Variants in POU2F2 observed in about 807,000 individuals in gnomAD.
POU2F2 encodes POU class 2 homeobox 2.
Under a neutral mutation model 63.5 loss-of-function variants are expected in POU2F2, and 14 were observed. The ratio of observed to expected loss-of-function variants is 0.22; its 90% confidence interval spans 0.15 to 0.34. The LOEUF (loss-of-function observed/expected upper bound fraction) is 0.34, where lower values mean the gene tolerates loss of function less well. Ranked by LOEUF, POU2F2 falls within the 10% of genes least tolerant of loss-of-function variation. The pLI is 1.00. For synonymous variants in POU2F2, 306 were observed against 348.6 expected (o/e 0.88, Z 1.36); for missense variants, 607 against 815.2 (o/e 0.74, Z 3.11).
At chr19:42,102,915 A>T (rs2077198155) in intron 5 of POU2F2, among the ~76,000 whole-genome samples, 1 of 152,056 alleles carries the variant, frequency 6.6e-6, no homozygotes, top group Non-Finnish European at 1.5e-5. Context: ...ATGCAAACAA[A>T]ACCCCTCACC....
intron 1 of POU2F2, among the ~76,000 whole-genome samples, chr19:42,182,539 AACAG>A (rs2034973912): frequency 1.3e-5 from 2 of 152,228 alleles, no homozygotes; most frequent in South Asian, 2.1e-4. Context: ...AGAAATAAGA[AACAG>A]ACAGAGGCTT....
intron 1 of POU2F2, among the ~76,000 whole-genome samples, chr19:42,195,514 A>G (rs2035133405): frequency 6.6e-6 from 1 of 151,322 alleles, no homozygotes; most frequent in Non-Finnish European, 1.5e-5. Context: ...TTGTATTTTT[A>G]GTAGAGAAGG....
chr19:42,136,458 A>G (rs2034014490), upstream of POU2F2, among the ~76,000 whole-genome samples: 2 of 152,168 alleles, frequency 1.3e-5, no homozygotes, highest in South Asian at 2.1e-4. Context: ...AAGTGCTGAG[A>G]TTACAGTCGT....
chr19:42,127,631 TCAGCCTCCCAAAATG>T (rs2033328733), intron 1 of POU2F2, among the ~76,000 whole-genome samples: 2 of 152,068 alleles, frequency 1.3e-5, no homozygotes, highest in Admixed American at 1.3e-4. Flanking sequence ...TCTGCCCACC[TCAGCCTCCCAAAATG>T]CTGGGATTAC....
At chr19:42,099,850 T>C (rs2077063476) in intron 5 of POU2F2, 29 bp from the exon 6 acceptor site, 7 of 1,530,634 alleles carry the variant, frequency 4.6e-6, no homozygotes, top group Middle Eastern at 2.3e-4. Context: ...GACAGAAAGA[T>C]AGCCTGAGTC....
chr19:42,091,836 G>A (rs751781104), intron 14 of POU2F2, 31 bp downstream of exon 14: 1 of 1,539,620 alleles, frequency 6.5e-7, no homozygotes, highest in Non-Finnish European at 8.7e-7. Context: ...TAGGGCTGGT[G>A]ACGATGGGTG....
At chr19:42,148,652 C>T (rs892154198) in intron 2 of POU2F2, among the ~76,000 whole-genome samples, 1 of 152,126 alleles carries the variant, frequency 6.6e-6, no homozygotes, top group Non-Finnish European at 1.5e-5. Flanking sequence ...CATCTGTCAA[C>T]TTCCCCTCAA....
rs1026207118 is a variant in POU2F2 at position 42,096,366 on chromosome 19, C to T, written c.568-123G>A. 3 of 1,007,628 alleles carry T rather than the reference C, an allele frequency of 3.0e-6. No individual in the cohort carries two copies. The highest frequency in any genetic ancestry group is 4.2e-6 in the Non-Finnish European group (3 of 707,608). The allele number at this position is 1,007,628 out of a possible 1,614,324, so 62.4% of individuals were successfully genotyped here. A position where few individuals can be genotyped will look rare whatever the true frequency, so the allele number is the denominator to read the frequency against. On this transcript the variant is annotated intron_variant, in intron 7 of 14. Coordinates refer to ENST00000692977, the MANE Select transcript of POU2F2 (RefSeq NM_001394376.1). This position sits in a 1 kb window ranked among gnomAD's most constrained non-coding sequence, Gnocchi z 4.1. ...GTTCCATCCGCCGCCTGCAGACTCC[C>T]CCCGCCTTCCTCCACAAGCACCGTC... is the stretch of plus-strand genomic sequence containing the variant.
intron 2 of POU2F2, among the ~76,000 whole-genome samples, chr19:42,147,720 A>G (rs74367735): frequency 0.1 from 15,582 of 152,224 alleles, 949 homozygotes; most frequent in Middle Eastern, 0.2. Context: ...CCTTTACAAG[A>G]TAGTGGTGAG....
chr19:42,161,186 G>A (rs2034544994), intron 1 of POU2F2, among the ~76,000 whole-genome samples: 1 of 152,160 alleles, frequency 6.6e-6, no homozygotes, highest in Non-Finnish European at 1.5e-5. Context: ...GCCAAACCTG[G>A]AAGACAAATT....
chr19:42,102,589 C>A (rs2077184789), intron 5 of POU2F2, among the ~76,000 whole-genome samples: 1 of 145,000 alleles, frequency 6.9e-6, no homozygotes, highest in Admixed American at 6.9e-5. Flanking sequence ...AGACCCCCAT[C>A]TCAAAAAAAA....
At chr19:42,188,476 G>A (rs2035037554) in intron 1 of POU2F2, among the ~76,000 whole-genome samples, 1 of 151,672 alleles carries the variant, frequency 6.6e-6, no homozygotes, top group South Asian at 2.1e-4. Context: ...TTTGAGACCA[G>A]TATGGCCAAC....
At chr19:42,189,246 G>A (rs960820045) in intron 1 of POU2F2, among the ~76,000 whole-genome samples, 3 of 152,050 alleles carry the variant, frequency 2.0e-5, no homozygotes, top group African/African-American at 4.8e-5. Context: ...CATTACCCAC[G>A]TCCTACTGGA....
At chr19:42,167,666 C>T (rs1307151648) in intron 1 of POU2F2, among the ~76,000 whole-genome samples, 3 of 152,052 alleles carry the variant, frequency 2.0e-5, no homozygotes, top group Non-Finnish European at 4.4e-5. Context: ...GACAGACAGG[C>T]GCTAGCTCAT....
At position 42,087,127 on chromosome 19, in the gene POU2F2, G is replaced by A. The variant is rs1219401446; in HGVS notation, c.*4130C>T. On this transcript the variant is annotated 3_prime_UTR_variant, in exon 15 of 15. Coordinates refer to ENST00000692977, the MANE Select transcript of POU2F2 (RefSeq NM_001394376.1). ...TTCCAACATATAAAAAGGTAGCGGA[G>A]TTGTCTGTGGGTTTTTTTTTTTTTT... 2.1e-5 allele frequency: 3 copies of A among 145,144 alleles called. No homozygotes were observed. The highest frequency in any genetic ancestry group is 7.6e-5 in the African/African-American group (3 of 39,430). 9.0% of individuals were successfully genotyped at this position (145,144 alleles called of 1,614,324 possible).
rs555750848 is a variant in POU2F2, at chr19:42,117,097, A to G, written c.369+153T>C. 8.6e-6 allele frequency: 6 copies of G among 701,600 alleles called. No homozygotes were observed. The highest frequency in any genetic ancestry group is 1.2e-5 in the Non-Finnish European group (5 of 402,386). The allele number at this position is 701,600 out of a possible 1,614,324, so 43.5% of individuals were successfully genotyped here. ...GGGTTAGTGCCTAAGCCAAGCAAGT[A>G]AGGGGACAAGACCTCCTAGAGGACA... is the stretch of plus-strand genomic sequence containing the variant. On this transcript the variant is annotated intron_variant, in intron 5 of 14. Coordinates refer to ENST00000692977, the MANE Select transcript of POU2F2 (RefSeq NM_001394376.1). This position sits in a 1 kb window ranked among gnomAD's most constrained non-coding sequence, Gnocchi z 4.4.
chr19:42,189,725 C>T (rs1246232792), intron 1 of POU2F2, among the ~76,000 whole-genome samples: 2 of 151,728 alleles, frequency 1.3e-5, no homozygotes, highest in Admixed American at 6.6e-5. Context: ...TTGAGTGCGG[C>T]GGGGGGAGTT....
At chr19:42,161,937 T>C (rs900729442) in intron 1 of POU2F2, among the ~76,000 whole-genome samples, 2 of 152,188 alleles carry the variant, frequency 1.3e-5, no homozygotes, top group Non-Finnish European at 2.9e-5. Flanking sequence ...TAAAAATCGA[T>C]GCAGCGCGCA....
Position 42,091,935 on chromosome 19 carries a change from G to T in POU2F2, c.1472C>A (p.Thr491Lys). 1 of 1,541,962 alleles carries T rather than the reference G, an allele frequency of 6.5e-7. No individual in the cohort carries two copies. The highest frequency in any genetic ancestry group is 1.2e-5 in the South Asian group (1 of 83,876). The change falls in exon 14 of 15, where the codon ACA becomes AAA. Residue 491 changes from threonine to lysine, a missense_variant. By Grantham distance (78) the Thr-to-Lys change is moderately conservative (BLOSUM62 -1). This residue lies in a region of POU2F2 where 270 missense variants were observed against 307.5 expected (regional missense o/e 0.88). Transcript: ENST00000692977. ...CAGCCCGGAGCTCAACCCCACCATT[G>T]TGCTTCTGCAAGAGGCAAAGCAGAG... ...LSGLNPSTGS[T>K]MVGLSSGLSP...
Sources: gnomAD v4.1 joint callset for allele counts (sites outside exome capture counted in the v4.1 genomes callset) on GRCh38, gnomAD v4.1.1 for gene constraint, gnomAD v4.1.1 regional missense constraint, Gnocchi (gnomAD v3.1) non-coding constraint, MANE v1.5 for transcripts, NCBI Gene and HGNC (gene_info 2026-07-23, HGNC 2026-07-21) for gene names.